ROS1: variants seen among roughly 807,000 people sequenced by gnomAD.
ROS1 encodes the protein ROS proto-oncogene 1, receptor tyrosine kinase.
Under a neutral mutation model 273.5 loss-of-function variants are expected in ROS1, and 263 were observed. The ratio of observed to expected loss-of-function variants is 0.96; its 90% CI spans 0.87 to 1.06. ROS1 has a LOEUF of 1.06. Ranked by LOEUF, ROS1 falls within the 50% of genes least tolerant of loss-of-function variation. The pLI is 0.00. For synonymous variants in ROS1, 1,008 were observed against 954.1 expected (o/e 1.06, Z -1.04); for missense variants, 2,833 against 2,751.1 (o/e 1.03, Z -0.67).
At chr6:117,301,253 T>A (rs989367731) in intron 42 of ROS1, 116 bp from the exon 43 acceptor site, 21 of 843,464 alleles carry the variant, frequency 2.5e-5, no homozygotes, top group Non-Finnish European at 3.8e-5. Flanking sequence ...TTTCCTTAAT[T>A]AATATAAGTG....
chr6:117,326,460 G>C (rs2128582531), intron 33 of ROS1, 46 bp from the exon 34 acceptor site: 1 of 1,140,764 alleles, frequency 8.8e-7, no homozygotes, highest in Non-Finnish European at 1.2e-6. Flanking sequence ...CAATATACCT[G>C]TTATTTCTAG....
intron 42 of ROS1, among the ~76,000 whole-genome samples, chr6:117,303,792 T>C (rs1774913008): frequency 6.6e-6 from 1 of 152,166 alleles, no homozygotes. Flanking sequence ...TGAGAGATAA[T>C]GATGGTGTGG....
intron 2 of ROS1, among the ~76,000 whole-genome samples, chr6:117,417,313 GT>G (rs1480532754): frequency 1.3e-5 from 2 of 152,046 alleles, no homozygotes; most frequent in Non-Finnish European, 2.9e-5. Flanking sequence ...GAACCAGGGT[GT>G]TTTCTTCTCT....
chr6:117,404,508 C>T (rs778839068), intron 5 of ROS1, 80 bp from the exon 6 acceptor site: 15 of 1,322,324 alleles, frequency 1.1e-5, no homozygotes, highest in Non-Finnish European at 1.6e-5. Flanking sequence ...TCATCTAGGG[C>T]TCTCCGTATT....
At position 117,362,707 on chromosome 6, in the gene ROS1, T is replaced by TA; in HGVS notation, c.3261dup (p.Ile1088TyrfsTer7). 19 of 1,613,704 alleles carry TA rather than the reference T, an allele frequency of 1.2e-5. No individual in the cohort carries two copies. The highest frequency in any genetic ancestry group is 1.5e-5 in the Non-Finnish European group (18 of 1,179,666). On this transcript the variant is annotated frameshift_variant, in exon 22 of 44. Coordinates refer to ENST00000368507, the MANE Select transcript of ROS1 (RefSeq NM_001378902.1). LOFTEE classifies it high-confidence loss of function. ...CAGTCTTCACATGTTTTGTTTGTAA[T>TA]ACTTTGATTGGATATATTGTAGAAA...
intron 39 of ROS1, among the ~76,000 whole-genome samples, chr6:117,312,132 C>T (rs1482430058): frequency 2.0e-5 from 3 of 152,068 alleles, no homozygotes; most frequent in Non-Finnish European, 1.5e-5. Flanking sequence ...TACACTGGTC[C>T]GATTGCAGTT....
rs771267442 is a variant in ROS1 at position 117,404,411 on chromosome 6, T to C, written c.334A>G (p.Thr112Ala). ...EEVLENADLP[T>A]APFASSIGSH... ...CCAATGGAAGAAGCAAAGGGAGCAGTTGGTAGGTCTGCATTTTCTGGGGAA... is the reference window on the plus strand; with the variant it reads ...CCAATGGAAGAAGCAAAGGGAGCAGCTGGTAGGTCTGCATTTTCTGGGGAA... The change falls in exon 6 of 44, where the codon ACT (threonine) becomes GCT (alanine). Residue 112 changes from threonine to alanine, a missense_variant. Thr to Ala is a moderately conservative substitution (Grantham distance 58). Coordinates refer to ENST00000368507, the MANE Select transcript of ROS1 (RefSeq NM_001378902.1). The C allele has an allele frequency of 1.2e-6, 2 of 1,613,650 alleles. No homozygotes were observed.
chr6:117,394,480 T>C, intron 10 of ROS1, 134 bp from the exon 11 acceptor site: 1 of 809,230 alleles, frequency 1.2e-6, no homozygotes, highest in Non-Finnish European at 1.7e-6. Context: ...AAAATATTCT[T>C]CTAAATTATT....
chr6:117,390,018 G>A lies in ROS1; in HGVS notation c.1290-172C>T, dbSNP rs542793985. Reference sequence around the variant, plus strand: ...TAATTTCCTAAGATATACTCTATTCGTTTAAGTTACAAGTTGGAACATTAG... The same window carrying A: ...TAATTTCCTAAGATATACTCTATTCATTTAAGTTACAAGTTGGAACATTAG... On this transcript the variant is annotated intron_variant, in intron 12 of 43. Transcript: ENST00000368507. Among the ~76,000 whole-genome samples the A allele has an allele frequency of 3.3e-4, 51 of 152,264 alleles. 2 individuals carry two copies. The South Asian group carries it at 9.3e-3, about 28-fold the overall frequency.
At chr6:117,388,592 C>T (rs1248525849) in intron 13 of ROS1, among the ~76,000 whole-genome samples, 1 of 152,186 alleles carries the variant, frequency 6.6e-6, no homozygotes, top group Non-Finnish European at 1.5e-5. Context: ...AACACAGCCA[C>T]AGTTATTCAT....
chr6:117,412,605 C>T (rs5004662), intron 4 of ROS1, among the ~76,000 whole-genome samples: 6 of 151,262 alleles, frequency 4.0e-5, no homozygotes, highest in South Asian at 4.2e-4. Context: ...GATAGATAGA[C>T]AGATAGATAG....
At chr6:117,400,995 G>T (rs1773888150) in intron 7 of ROS1, among the ~76,000 whole-genome samples, 1 of 152,100 alleles carries the variant, frequency 6.6e-6, no homozygotes, top group Admixed American at 6.5e-5. Context: ...ATTTTATCTA[G>T]GAAAGCCACT....
At position 117,340,103 on chromosome 6, in the gene ROS1, T is replaced by C. The variant is rs184836554; in HGVS notation, c.5061+1032A>G. Among the ~76,000 whole-genome samples the C allele has an allele frequency of 3.2e-3, 491 of 152,300 alleles. 1 individual carries two copies. The highest frequency in any genetic ancestry group is 0.011 in the African/African-American group (467 of 41,574). ...ATTAAGTTTACTAAAATAGATGTTATTTTAAAAGGCACTCCTCCAATTTCT... is the reference window on the plus strand; with the variant it reads ...ATTAAGTTTACTAAAATAGATGTTACTTTAAAAGGCACTCCTCCAATTTCT... On this transcript the variant is annotated intron_variant, in intron 31 of 43. Transcript: ENST00000368507.
chr6:117,364,187 A>C (rs1224612224), intron 21 of ROS1, among the ~76,000 whole-genome samples: 1 of 152,190 alleles, frequency 6.6e-6, no homozygotes, highest in Non-Finnish European at 1.5e-5. Context: ...CCCAGGCCCC[A>C]CTATGTTCCT....
intron 43 of ROS1, among the ~76,000 whole-genome samples, chr6:117,296,022 A>G (rs1241459367): frequency 6.6e-6 from 1 of 152,224 alleles, no homozygotes; most frequent in Non-Finnish European, 1.5e-5. Flanking sequence ...CAGTACATCA[A>G]AGAGATATCT....
chr6:117,365,461 T>C (rs1282126355), intron 20 of ROS1, 120 bp downstream of exon 20: 3 of 894,392 alleles, frequency 3.4e-6, no homozygotes, highest in African/African-American at 3.4e-5. Flanking sequence ...CCAAATGCTA[T>C]GGGAATGACA....
intron 31 of ROS1, among the ~76,000 whole-genome samples, chr6:117,340,917 C>G (rs905089972): frequency 6.6e-6 from 1 of 152,048 alleles, no homozygotes; most frequent in African/African-American, 2.4e-5. Context: ...AACTTATACC[C>G]TTTTACATAA....
At chr6:117,292,885 A>T (rs1296890943) in intron 43 of ROS1, among the ~76,000 whole-genome samples, 3 of 152,106 alleles carry the variant, frequency 2.0e-5, no homozygotes, top group Non-Finnish European at 4.4e-5. Flanking sequence ...ACCTGTTACC[A>T]TTCATTAATT....
chr6:117,382,343 T>A (rs1357451035), intron 17 of ROS1, among the ~76,000 whole-genome samples: 3 of 152,144 alleles, frequency 2.0e-5, no homozygotes, highest in African/African-American at 4.8e-5. Context: ...ATATATGTTA[T>A]TGGAATTGGA....
Sources: allele counts gnomAD v4.1 joint callset (sites outside exome capture counted in the v4.1 genomes callset), GRCh38; gene constraint gnomAD v4.1.1; transcripts MANE v1.5; gene names NCBI Gene and HGNC (gene_info 2026-07-23, HGNC 2026-07-21).